The following RASAL2 variants were observed in gnomAD, a reference collection of about 807,000 sequenced individuals.
The protein encoded by RASAL2 is RAS protein activator like 2.
In RASAL2, 58 loss-of-function variants were observed where a neutral mutation model predicts 128.9. That is an observed-to-expected ratio of 0.45 (90% CI 0.36 to 0.56). The LOEUF (loss-of-function observed/expected upper bound fraction) is 0.56. RASAL2 is among the 20% of genes least tolerant of loss of function. RASAL2 has a pLI of 0.00. For missense variants in RASAL2, 1,360 were observed against 1,601.6 expected (o/e 0.85, Z 2.57); for synonymous variants, 561 against 580.8 (o/e 0.97, Z 0.49).
intron 3 of RASAL2, among the ~76,000 whole-genome samples, chr1:178,322,828 A>G (rs1425962486): frequency 6.6e-6 from 1 of 152,172 alleles, no homozygotes; most frequent in Non-Finnish European, 1.5e-5. Context: ...AACGTCCTAT[A>G]TATTCTGACT....
chr1:178,333,091 C>T (rs1014681062), intron 3 of RASAL2, among the ~76,000 whole-genome samples: 1 of 151,866 alleles, frequency 6.6e-6, no homozygotes, highest in Admixed American at 6.6e-5. Context: ...TGCAGTGGCA[C>T]GATCTGGGCT....
intron 1 of RASAL2, among the ~76,000 whole-genome samples, chr1:178,120,106 C>G (rs547039939): frequency 6.6e-6 from 1 of 152,298 alleles, no homozygotes; most frequent in East Asian, 1.9e-4. Context: ...ACTCCAAAGG[C>G]TTGTGTTTTA....
chr1:178,166,807 C>T (rs1661531470), intron 1 of RASAL2, among the ~76,000 whole-genome samples: 1 of 151,920 alleles, frequency 6.6e-6, no homozygotes, highest in Non-Finnish European at 1.5e-5. Flanking sequence ...ACAAATGGTA[C>T]CTAATTTATG....
chr1:178,315,537 C>T (rs1489205523), intron 3 of RASAL2, among the ~76,000 whole-genome samples: 2 of 142,550 alleles, frequency 1.4e-5, no homozygotes, highest in Non-Finnish European at 3.0e-5. Context: ...TCTCTGATGG[C>T]CAGTGATGGT....
chr1:178,306,929 G>A (rs1215873874), intron 3 of RASAL2, among the ~76,000 whole-genome samples: 2 of 151,180 alleles, frequency 1.3e-5, no homozygotes, highest in Admixed American at 6.6e-5. Flanking sequence ...ATAAGTTAGT[G>A]GGTGCAGTGC....
intron 3 of RASAL2, among the ~76,000 whole-genome samples, chr1:178,302,368 A>T (rs1160888107): frequency 8.5e-5 from 13 of 152,222 alleles, no homozygotes; most frequent in Non-Finnish European, 1.8e-4. Context: ...CTAGCAATAA[A>T]CAGGAAACAA....
chr1:178,239,245 A>T (rs1356872878), intron 1 of RASAL2, among the ~76,000 whole-genome samples: 2 of 151,760 alleles, frequency 1.3e-5, no homozygotes, highest in African/African-American at 2.4e-5. Context: ...GGTCAAACTA[A>T]AGAGTATTTT....
intron 1 of RASAL2, among the ~76,000 whole-genome samples, chr1:178,129,361 T>G (rs1375039077): frequency 6.6e-6 from 1 of 152,174 alleles, no homozygotes; most frequent in Non-Finnish European, 1.5e-5. Flanking sequence ...TTGAACACCT[T>G]GTTATGTGCT....
chr1:178,249,548 C>T (rs1238084400), intron 1 of RASAL2, among the ~76,000 whole-genome samples: 1 of 151,992 alleles, frequency 6.6e-6, no homozygotes, highest in African/African-American at 2.4e-5. Context: ...CCTGTCAGCT[C>T]GTCAAACTCA....
intron 4 of RASAL2, among the ~76,000 whole-genome samples, chr1:178,398,752 AG>A (rs987854773): frequency 1.3e-5 from 2 of 152,180 alleles, no homozygotes; most frequent in African/African-American, 4.8e-5. Flanking sequence ...TTCAGTTCCC[AG>A]GGCCAAAACC....
At chr1:178,204,136 C>A (rs186548595) in intron 1 of RASAL2, among the ~76,000 whole-genome samples, 1 of 152,326 alleles carries the variant, frequency 6.6e-6, no homozygotes, top group African/African-American at 2.4e-5. Flanking sequence ...TACATTTATA[C>A]ACTTGTATTA....
intron 1 of RASAL2, among the ~76,000 whole-genome samples, chr1:178,118,219 C>T (rs751799686): frequency 3.3e-5 from 5 of 151,668 alleles, no homozygotes; most frequent in African/African-American, 4.8e-5. Context: ...AGCAGTGGTT[C>T]TCAACCTTTT....
Position 178,352,228 on chromosome 1 carries a change from C to A in RASAL2, c.458-37872C>A, listed in dbSNP as rs1316199557. ...CAGAATGCTATAAATAGAATGATGTCTTTTGTTTTCAAAGTTGATATACTA... is the reference window on the plus strand; with the variant it reads ...CAGAATGCTATAAATAGAATGATGTATTTTGTTTTCAAAGTTGATATACTA... On this transcript the variant is annotated intron_variant, in intron 3 of 17. Transcript: ENST00000367649. Among the ~76,000 whole-genome samples the A allele has an allele frequency of 3.9e-5, 6 of 152,164 alleles. No homozygotes were observed. The East Asian group carries it at 1.2e-3, about 29-fold the overall frequency.
chr1:178,154,790 A>G (rs1037149987), intron 1 of RASAL2, among the ~76,000 whole-genome samples: 1 of 151,974 alleles, frequency 6.6e-6, no homozygotes, highest in Non-Finnish European at 1.5e-5. Context: ...TTTTATTGGG[A>G]TATCAGCCAT....
Position 178,180,663 on chromosome 1 carries a change from T to TCACACACACACACACACACACACACA in RASAL2, c.202+85973_202+85998dup, listed in dbSNP as rs3979280. ...GCCTGGGTGATGGAGCGAGACTGTC[T>TCACACACACACACACACACACACACA]CACACACACACACACACACACACAC... On this transcript the variant is annotated intron_variant, in intron 1 of 17. Transcript: ENST00000367649. Among the ~76,000 whole-genome samples, 560 of 139,174 alleles carry TCACACACACACACACACACACACACA rather than the reference T, an allele frequency of 4.0e-3. 7 individuals are homozygous for TCACACACACACACACACACACACACA. Among genetic ancestry groups the TCACACACACACACACACACACACACA allele is most frequent in the African/African-American group, 0.011 (392 of 36,910 alleles). The allele number at this position is 139,174 out of a possible 152,430, so 91.3% of individuals were successfully genotyped here. A position where few individuals can be genotyped will look rare whatever the true frequency, so the allele number is the denominator to read the frequency against.
chr1:178,216,601 G>C (rs1475343917), intron 1 of RASAL2, among the ~76,000 whole-genome samples: 1 of 152,034 alleles, frequency 6.6e-6, no homozygotes, highest in Non-Finnish European at 1.5e-5. Context: ...TTTGGTTGCC[G>C]AATTCAGGAT....
chr1:178,338,378 C>T (rs899090305), intron 3 of RASAL2, among the ~76,000 whole-genome samples: 3 of 152,096 alleles, frequency 2.0e-5, no homozygotes, highest in African/African-American at 7.2e-5. Flanking sequence ...AATCCACCAA[C>T]CTCAGCCTCC....
At chr1:178,295,250 A>C (rs560494399) in intron 2 of RASAL2, among the ~76,000 whole-genome samples, 2 of 151,604 alleles carry the variant, frequency 1.3e-5, no homozygotes, top group African/African-American at 4.8e-5. Context: ...TCCCAAAAAA[A>C]AAAAAACAAA....
At chr1:178,253,135 G>A (rs543182070) in intron 1 of RASAL2, among the ~76,000 whole-genome samples, 1 of 152,182 alleles carries the variant, frequency 6.6e-6, no homozygotes, top group East Asian at 1.9e-4. Context: ...CTTGTTTCTG[G>A]TGGTTGCTGA....
Sources: allele counts gnomAD v4.1 joint callset (sites outside exome capture counted in the v4.1 genomes callset), GRCh38; gene constraint gnomAD v4.1.1; transcripts MANE v1.5; gene names NCBI Gene and HGNC (gene_info 2026-07-23, HGNC 2026-07-21).